The following SDHA variants were observed in gnomAD, a reference collection of about 807,000 sequenced individuals.
SDHA encodes the protein succinate dehydrogenase [ubiquinone] flavoprotein subunit, mitochondrial.
Under a neutral mutation model 78.4 loss-of-function variants are expected in SDHA, and 48 were observed. That is an observed-to-expected ratio of 0.61 (90% CI 0.49 to 0.78). The LOEUF is 0.78. SDHA is among the 30% of genes least tolerant of loss of function. The probability of loss-of-function intolerance (pLI) is 0.00; values close to 1 mark genes in which losing one functional copy is unlikely to be tolerated. For missense variants in SDHA, 680 were observed against 892.7 expected, an observed-to-expected ratio of 0.76 and a Z score of 3.04; for synonymous variants, 326 against 353.9, an observed-to-expected ratio of 0.92 and a Z score of 0.88.
At chr5:245,348 C>G (rs143576260) in intron 11 of SDHA, among the ~76,000 whole-genome samples, 16,887 of 152,094 alleles carry the variant, frequency 0.11, 3,016 homozygotes, top group African/African-American at 0.38. Context: ...TGTTTCTTTA[C>G]TATCCCCTTA....
chr5:244,802 A>G (rs756466433), intron 11 of SDHA, among the ~76,000 whole-genome samples: 1 of 152,174 alleles, frequency 6.6e-6, no homozygotes, highest in African/African-American at 2.4e-5. Context: ...GTACCTATAA[A>G]TTTATGGGGA....
chr5:220,539 G>A (rs1245801515), intron 1 of SDHA, among the ~76,000 whole-genome samples: 1 of 152,180 alleles, frequency 6.6e-6, no homozygotes. Flanking sequence ...CATTCCTCAT[G>A]ATGTTTTTCC....
intron 7 of SDHA, among the ~76,000 whole-genome samples, chr5:233,175 T>A (rs897132117): frequency 1.3e-5 from 2 of 152,308 alleles, no homozygotes; most frequent in African/African-American, 4.8e-5. Context: ...AAAACAAAAT[T>A]TGAGGCATCC....
At chr5:250,791 CATTT>C (rs1236820150) in intron 11 of SDHA, 197 bp from the exon 12 acceptor site, 30 of 593,882 alleles carry the variant, frequency 5.1e-5, no homozygotes, top group African/African-American at 3.0e-4. Context: ...GTAATAGAAA[CATTT>C]ATTTATTCAG....
At chr5:262,325 CATTACCGTGTGAGCTCCGCCTCCCGG>C in the SDHA span, among the ~76,000 whole-genome samples, 1 of 114,000 alleles carries the variant, frequency 8.8e-6, no homozygotes, top group Non-Finnish European at 2.0e-5. Context: ...CCCGTCAGAG[CATTACCGTGTGAGCTCCGCCTCCCGG>C]CAGAGCATTA....
At chr5:257,376 A>G (rs1191596684), downstream of SDHA, among the ~76,000 whole-genome samples, 1 of 149,888 alleles carries the variant, frequency 6.7e-6, no homozygotes, top group East Asian at 2.0e-4. Flanking sequence ...TCAGAGCATT[A>G]CTGTGTGAGC....
intron 13 of SDHA, 134 bp downstream of exon 13, chr5:251,602 C>G: frequency 6.5e-7 from 1 of 1,549,234 alleles, no homozygotes; most frequent in East Asian, 2.4e-5. Flanking sequence ...TTTTTCCCCC[C>G]TGGTAACTTT....
the SDHA span, among the ~76,000 whole-genome samples, chr5:267,446 T>C: frequency 6.6e-6 from 1 of 152,226 alleles, no homozygotes; most frequent in Non-Finnish European, 1.5e-5. Flanking sequence ...CATGTACAGA[T>C]ACAATGTACA....
At chr5:249,864 G>A (rs1312745227) in intron 11 of SDHA, 1 of 152,146 alleles carries the variant, frequency 6.6e-6, no homozygotes, top group African/African-American at 2.4e-5. Flanking sequence ...AATTCCCAGG[G>A]AATAAACTGA....
chr5:240,447 A>T lies in SDHA; in HGVS notation c.1522A>T (p.Thr508Ser), dbSNP rs1060503718. 6.2e-7 allele frequency: 1 copy of T among 1,610,306 alleles called. No individual in the cohort carries two copies. The highest frequency in any genetic ancestry group is 1.7e-5 in the Admixed American group (1 of 60,010). Reference sequence around the variant, plus strand: ...GAGATTTGCTGATGGAAGCATAAGAACATCGGAACTGCGACTCAGCATGCA... The same window carrying T: ...GAGATTTGCTGATGGAAGCATAAGATCATCGGAACTGCGACTCAGCATGCA... ...KLRFADGSIR[T>S]SELRLSMQKS... is the part of the protein sequence containing the mutation. The change falls in exon 11 of 15, where the codon ACA (threonine) becomes TCA (serine). Residue 508 changes from threonine to serine, a missense_variant. By Grantham distance (58) the Thr-to-Ser change is moderately conservative. Coordinates refer to ENST00000264932, the MANE Select transcript of SDHA (RefSeq NM_004168.4).
downstream of SDHA, among the ~76,000 whole-genome samples, chr5:257,413 G>T (rs1454027702): frequency 7.5e-6 from 1 of 133,600 alleles, no homozygotes. Context: ...GCATTACTCT[G>T]TGAACACCAC....
chr5:233,684 C>T (rs753858045), intron 8 of SDHA, 39 bp downstream of exon 8: 4 of 1,609,656 alleles, frequency 2.5e-6, no homozygotes, highest in South Asian at 1.1e-5. Flanking sequence ...TGAGCGGGCA[C>T]ACGGGCCGGG....
At chr5:246,222 A>G (rs186160115) in intron 11 of SDHA, among the ~76,000 whole-genome samples, 3 of 152,118 alleles carry the variant, frequency 2.0e-5, no homozygotes, top group South Asian at 2.1e-4. Flanking sequence ...AATAGAATCA[A>G]TGCAGAGAAG....
In SDHA at chr5:256,465, T is replaced by C. The variant is rs756011447; in HGVS notation, c.*45T>C. 1.4e-6 allele frequency: 2 copies of C among 1,423,618 alleles called. No homozygotes were observed. The highest frequency in any genetic ancestry group is 2.3e-5 in the South Asian group (2 of 87,396). The allele number at this position is 1,423,618 out of a possible 1,614,324, so 88.2% of individuals were successfully genotyped here. A position where few individuals can be genotyped will look rare whatever the true frequency, so the allele number is the denominator to read the frequency against. On this transcript the variant is annotated 3_prime_UTR_variant, in exon 15 of 15. Coordinates refer to ENST00000264932, the MANE Select transcript of SDHA (RefSeq NM_004168.4). ...GACAGAATCAGCTTTTGTAATTATG[T>C]ATAATAGCTCATGCATGTGTCCATG...
At chr5:235,488 C>A (rs1313586751) in intron 9 of SDHA, 149 bp downstream of exon 9, 4 of 810,052 alleles carry the variant, frequency 4.9e-6, no homozygotes, top group African/African-American at 3.4e-5. Context: ...CTTTAAATTT[C>A]TATTACCGGA....
chr5:255,657 A>G (rs1340542359), intron 14 of SDHA, among the ~76,000 whole-genome samples: 1 of 152,016 alleles, frequency 6.6e-6, no homozygotes, highest in Non-Finnish European at 1.5e-5. Flanking sequence ...TGCCCAGGCT[A>G]GTCTTGAACT....
At chr5:226,997 TG>T (rs1735071623) in intron 5 of SDHA, among the ~76,000 whole-genome samples, 9 of 151,478 alleles carry the variant, frequency 5.9e-5, no homozygotes, top group Admixed American at 5.9e-4. Flanking sequence ...CTGAATGGAT[TG>T]GTTTTGTTTG....
chr5:222,811 G>A (rs976869845), intron 1 of SDHA, among the ~76,000 whole-genome samples: 9 of 152,170 alleles, frequency 5.9e-5, no homozygotes, highest in Non-Finnish European at 7.3e-5. Flanking sequence ...GTTTTCTTGG[G>A]TAAAGTTTTC....
intron 13 of SDHA, chr5:251,885 A>G (rs1164791259): frequency 5.7e-6 from 2 of 351,456 alleles, no homozygotes; most frequent in Non-Finnish European, 1.1e-5. Flanking sequence ...TGTGGAGGAA[A>G]TGCCAGTTTA....
Sources: gnomAD v4.1 joint callset for allele counts (sites outside exome capture counted in the v4.1 genomes callset) on GRCh38, gnomAD v4.1.1 for gene constraint, MANE v1.5 for transcripts, NCBI Gene and HGNC (gene_info 2026-07-23, HGNC 2026-07-21) for gene names.